BNC2: variants seen among roughly 807,000 people sequenced by gnomAD.
The protein encoded by BNC2 is basonuclin zinc finger protein 2, also known as zinc finger protein basonuclin-2.
A neutral mutation model predicts 76.3 loss-of-function variants in BNC2; 20 were observed. That is an observed-to-expected ratio of 0.26 (90% confidence interval 0.18 to 0.38). The LOEUF (loss-of-function observed/expected upper bound fraction) is 0.38. BNC2 is among the 10% of genes least tolerant of loss of function. The pLI is 1.00. For synonymous variants in BNC2, 582 were observed against 514.8 expected (o/e 1.13, Z -1.77); for missense variants, 1,382 against 1,399.8 (o/e 0.99, Z 0.20).
intron 3 of BNC2, among the ~76,000 whole-genome samples, chr9:16,585,525 G>A (rs1027207456): frequency 2.1e-4 from 32 of 152,144 alleles, no homozygotes; most frequent in African/African-American, 7.2e-4. Context: ...TTTCCCTTAA[G>A]AGAATTATAT....
intron 3 of BNC2, among the ~76,000 whole-genome samples, chr9:16,677,766 A>G (rs1189147013): frequency 1.3e-5 from 2 of 152,166 alleles, no homozygotes; most frequent in African/African-American, 4.8e-5. Context: ...GCTTTCACTA[A>G]TAACAATTTC....
chr9:16,770,828 A>G (rs1385249647), intron 1 of BNC2, among the ~76,000 whole-genome samples: 1 of 151,768 alleles, frequency 6.6e-6, no homozygotes, highest in East Asian at 1.9e-4. Context: ...TAGCGAGATC[A>G]TGCCACTGCA....
At chr9:16,774,533 C>A (rs1467265695) in intron 1 of BNC2, among the ~76,000 whole-genome samples, 1 of 152,196 alleles carries the variant, frequency 6.6e-6, no homozygotes, top group Non-Finnish European at 1.5e-5. Context: ...TCTATGATTT[C>A]AATGTTTATT....
chr9:16,794,460 C>G (rs1817593332), intron 1 of BNC2, among the ~76,000 whole-genome samples: 1 of 152,180 alleles, frequency 6.6e-6, no homozygotes. Flanking sequence ...GTGGGATAGA[C>G]ATCATTAACA....
intron 5 of BNC2, among the ~76,000 whole-genome samples, chr9:16,502,696 G>C (rs1419080031): frequency 6.6e-6 from 1 of 152,114 alleles, no homozygotes; most frequent in Admixed American, 6.5e-5. Context: ...GCTATACAAA[G>C]TCATAGCCAG....
chr9:16,768,794 A>G (rs1825759918), intron 1 of BNC2, among the ~76,000 whole-genome samples: 1 of 152,238 alleles, frequency 6.6e-6, no homozygotes, highest in South Asian at 2.1e-4. Flanking sequence ...AAGACAATTT[A>G]TCAAAAGCGA....
At chr9:16,502,440 TG>T (rs1822538512) in intron 5 of BNC2, among the ~76,000 whole-genome samples, 1 of 152,210 alleles carries the variant, frequency 6.6e-6, no homozygotes, top group Admixed American at 6.5e-5. Context: ...ATCAGATCTT[TG>T]TAACTTTTAA....
chr9:16,847,287 G>A (rs1011120105), intron 1 of BNC2, among the ~76,000 whole-genome samples: 1 of 151,760 alleles, frequency 6.6e-6, no homozygotes, highest in Admixed American at 6.6e-5. Flanking sequence ...AAAGGTTATG[G>A]AGTGTGTGCG....
intron 1 of BNC2, among the ~76,000 whole-genome samples, chr9:16,823,816 A>C (rs1439738036): frequency 6.6e-6 from 1 of 152,180 alleles, no homozygotes; most frequent in Non-Finnish European, 1.5e-5. Flanking sequence ...AGCTCTGCCC[A>C]ATAAAAACAT....
chr9:16,868,803 T>G (rs533689533), intron 1 of BNC2, among the ~76,000 whole-genome samples: 5 of 152,350 alleles, frequency 3.3e-5, no homozygotes, highest in African/African-American at 1.2e-4. Context: ...ATTGTGTGTG[T>G]GTGTGTGTTT....
chr9:16,733,131 T>C (rs1468601922), intron 2 of BNC2, among the ~76,000 whole-genome samples: 1 of 152,204 alleles, frequency 6.6e-6, no homozygotes, highest in African/African-American at 2.4e-5. Context: ...GGGAACCAAC[T>C]AAGGAAATGT....
At chr9:16,465,434 C>CAAAAAAAAAAA (rs34834563) in intron 5 of BNC2, among the ~76,000 whole-genome samples, 6 of 84,264 alleles carry the variant, frequency 7.1e-5, no homozygotes, top group East Asian at 3.7e-4. Flanking sequence ...ACTCCAACTC[C>CAAAAAAAAAAA]AAAAAAAAAA....
intron 3 of BNC2, among the ~76,000 whole-genome samples, chr9:16,659,144 TGG>T (rs915514277): frequency 1.8e-5 from 2 of 113,864 alleles, no homozygotes; most frequent in African/African-American, 9.5e-5. Flanking sequence ...GGCAGATGGA[TGG>T]CGGGGGGGGG....
At chr9:16,508,319 G>A (rs1435469375) in intron 5 of BNC2, among the ~76,000 whole-genome samples, 1 of 152,158 alleles carries the variant, frequency 6.6e-6, no homozygotes, top group Admixed American at 6.5e-5. Flanking sequence ...TCTTAAACAG[G>A]TTTTGGTATG....
intron 5 of BNC2, among the ~76,000 whole-genome samples, chr9:16,483,729 C>G (rs1053673775): frequency 2.6e-5 from 4 of 152,160 alleles, no homozygotes; most frequent in African/African-American, 9.7e-5. Context: ...CTTATTTCTA[C>G]AGCAGCAAAA....
In BNC2 at chr9:16,417,809, T is replaced by A. The variant is rs962760129; in HGVS notation, c.*1180A>T. On this transcript the variant is annotated 3_prime_UTR_variant, in exon 7 of 7. Transcript: ENST00000380672. ...CCTTGGCTGTTTCACACCACATAATTTTGTTTTCCTTTTATGTAACTTAAC... is the reference window on the plus strand; with the variant it reads ...CCTTGGCTGTTTCACACCACATAATATTGTTTTCCTTTTATGTAACTTAAC... 1 of 152,672 alleles carries A rather than the reference T, an allele frequency of 6.5e-6. No homozygotes were observed. The highest frequency in any genetic ancestry group is 2.4e-5 in the African/African-American group (1 of 41,458). 9.5% of individuals were successfully genotyped at this position (152,672 alleles called of 1,614,324 possible). A position where few individuals can be genotyped will look rare whatever the true frequency, so the allele number is the denominator to read the frequency against.
At chr9:16,810,296 G>GT (rs1386098195) in intron 1 of BNC2, among the ~76,000 whole-genome samples, 1 of 152,160 alleles carries the variant, frequency 6.6e-6, no homozygotes, top group Non-Finnish European at 1.5e-5. Context: ...CTTGGCAGGG[G>GT]TGGGGCTAGA....
Position 16,415,134 on chromosome 9 carries a change from G to A in BNC2, c.*3855C>T, listed in dbSNP as rs796525212. On this transcript the variant is annotated 3_prime_UTR_variant, in exon 7 of 7. Coordinates refer to ENST00000380672, the MANE Select transcript of BNC2 (RefSeq NM_017637.6). ...CCTTTAAACCTTTAAAAGGCATCAGGCTGAACAGGGCAGCTGGACTAAGAT... is the reference window on the plus strand; with the variant it reads ...CCTTTAAACCTTTAAAAGGCATCAGACTGAACAGGGCAGCTGGACTAAGAT... 1 of 152,134 alleles carries A rather than the reference G, an allele frequency of 6.6e-6. No individual in the cohort carries two copies. The highest frequency in any genetic ancestry group is 1.5e-5 in the Non-Finnish European group (1 of 68,018). 9.4% of individuals were successfully genotyped at this position (152,134 alleles called of 1,614,324 possible).
At chr9:16,498,079 A>G (rs1822432171) in intron 5 of BNC2, among the ~76,000 whole-genome samples, 1 of 146,660 alleles carries the variant, frequency 6.8e-6, no homozygotes, top group Non-Finnish European at 1.5e-5. Flanking sequence ...ATATTCTATC[A>G]TATATATATT....
Sources: allele counts gnomAD v4.1 joint callset (sites outside exome capture counted in the v4.1 genomes callset), GRCh38; gene constraint gnomAD v4.1.1; transcripts MANE v1.5; gene names NCBI Gene and HGNC (gene_info 2026-07-23, HGNC 2026-07-21).